The following EFCAB11 variants were observed in gnomAD, a reference collection of about 807,000 sequenced individuals.
The protein encoded by EFCAB11 is EF-hand calcium binding domain 11, also known as EF-hand calcium-binding domain-containing protein 11.
EFCAB11 carries 14 observed loss-of-function variants against 23.0 expected under a neutral mutation model. The ratio of observed to expected loss-of-function variants is 0.61; its 90% CI spans 0.40 to 0.95. The LOEUF (loss-of-function observed/expected upper bound fraction) is 0.95. EFCAB11 is among the 40% of genes least tolerant of loss of function. EFCAB11 has a pLI of 0.00. For synonymous variants in EFCAB11, 65 were observed against 66.6 expected (o/e 0.98, Z 0.11); for missense variants, 198 against 195.8 (o/e 1.01, Z -0.07).
intron 5 of EFCAB11, among the ~76,000 whole-genome samples, chr14:89,875,151 C>A (rs570367420): frequency 6.6e-6 from 1 of 152,238 alleles, no homozygotes; most frequent in African/African-American, 2.4e-5. Flanking sequence ...TCGGGGTTCG[C>A]GTAACTAGTT....
intron 5 of EFCAB11, among the ~76,000 whole-genome samples, chr14:89,865,914 T>G (rs1278369201): frequency 3.3e-5 from 5 of 151,952 alleles, no homozygotes; most frequent in African/African-American, 1.2e-4. Flanking sequence ...GTGATCTGCC[T>G]GTCTCAGCCT....
chr14:89,831,839 A>C (rs1323056597), intron 5 of EFCAB11, among the ~76,000 whole-genome samples: 1 of 152,266 alleles, frequency 6.6e-6, no homozygotes, highest in Admixed American at 6.5e-5. Flanking sequence ...TCTCAAATAC[A>C]AGCACATTTT....
intron 5 of EFCAB11, among the ~76,000 whole-genome samples, chr14:89,885,209 C>G (rs1404778250): frequency 8.5e-5 from 13 of 152,134 alleles, no homozygotes; most frequent in Non-Finnish European, 2.9e-5. Context: ...TCAGAATTAT[C>G]TGATAAAATA....
chr14:89,927,429 T>C (rs1001865933), intron 5 of EFCAB11, among the ~76,000 whole-genome samples: 7 of 152,322 alleles, frequency 4.6e-5, no homozygotes, highest in Non-Finnish European at 1.0e-4. Flanking sequence ...ATCAGCTTTT[T>C]TTCTGGACCT....
chr14:89,926,806 T>C lies in EFCAB11; in HGVS notation c.410+4735A>G, dbSNP rs79633060. On this transcript the variant is annotated intron_variant, in intron 5 of 5. Transcript: ENST00000316738. ...TTTGAACATGAAAGACAGTGGGGAA[T>C]ATAATTCTTATGACCCCTACTTGAG... Among the ~76,000 whole-genome samples, 607 of 152,326 alleles carry C rather than the reference T, an allele frequency of 4.0e-3. 6 individuals carry two copies. The highest frequency in any genetic ancestry group is 0.014 in the African/African-American group (571 of 41,574).
intron 5 of EFCAB11, among the ~76,000 whole-genome samples, chr14:89,914,910 T>TACTG (rs1889788098): frequency 6.6e-6 from 1 of 152,126 alleles, no homozygotes; most frequent in Admixed American, 6.5e-5. Flanking sequence ...AGCAACAGGC[T>TACTG]ACTGCTCCAT....
intron 5 of EFCAB11, among the ~76,000 whole-genome samples, chr14:89,910,384 G>A (rs557646557): frequency 4.6e-5 from 7 of 152,270 alleles, no homozygotes; most frequent in Non-Finnish European, 8.8e-5. Flanking sequence ...GATCACTTAA[G>A]GCCAGGAGTT....
rs375782284 is a variant in EFCAB11 at position 89,794,968 on chromosome 14, C to CTTTTTTTT, written c.*2267_*2274dup. 2 of 67,264 alleles carry CTTTTTTTT rather than the reference C, an allele frequency of 3.0e-5. No individual in the cohort carries two copies. The highest frequency in any genetic ancestry group is 7.6e-4 in the South Asian group (1 of 1,316). 4.2% of individuals were successfully genotyped at this position (67,264 alleles called of 1,614,324 possible). ...TGCTTGATTTGTTTCTACTTAATGT[C>CTTTTTTTT]TTTTTTTTTTTTTTTTTTTTTTTTT... On this transcript the variant is annotated 3_prime_UTR_variant, in exon 6 of 6. Coordinates refer to ENST00000316738, the MANE Select transcript of EFCAB11 (RefSeq NM_145231.4).
Position 89,885,871 on chromosome 14 carries a change from C to T in EFCAB11, c.410+45670G>A, listed in dbSNP as rs915649041. Among the ~76,000 whole-genome samples the T allele has an allele frequency of 7.6e-4, 109 of 143,810 alleles. 2 individuals carry two copies. The highest frequency in any genetic ancestry group is 2.6e-3 in the African/African-American group (105 of 40,382). The allele number at this position is 143,810 out of a possible 152,430, so 94.3% of individuals were successfully genotyped here. On this transcript the variant is annotated intron_variant, in intron 5 of 5. Transcript: ENST00000316738. ...CAACTTTTGGGTTTGAAGTTGGCTT[C>T]TTGTTTTTTTCTTTTTTTTTCTTTG...
intron 5 of EFCAB11, among the ~76,000 whole-genome samples, chr14:89,916,160 AAAAAAAAAG>A (rs1889834065): frequency 6.6e-6 from 1 of 151,892 alleles, no homozygotes; most frequent in Non-Finnish European, 1.5e-5. Flanking sequence ...GGCTCAGAAA[AAAAAAAAAG>A]AAAAAAAGAA....
rs1456162633 is a variant in EFCAB11, at chr14:89,858,669, T to TC, written c.411-61346_411-61345insG. Among the ~76,000 whole-genome samples, 6 of 145,636 alleles carry TC rather than the reference T, an allele frequency of 4.1e-5. No homozygotes were observed. In the East Asian group the frequency reaches 6.0e-4, roughly 15 times the overall value. The stretch of plus-strand genomic sequence containing the variant: ...CACACCCAGCTAATTTTTTTTTTTT[T>TC]TTTTTTTTTTTGTAGAGGCAGGGTC... On this transcript the variant is annotated intron_variant, in intron 5 of 5. Transcript: ENST00000316738.
intron 5 of EFCAB11, among the ~76,000 whole-genome samples, chr14:89,915,076 G>A (rs908409896): frequency 6.6e-6 from 1 of 151,910 alleles, no homozygotes; most frequent in African/African-American, 2.4e-5. Context: ...TATTTTTAAA[G>A]ACCTAAATTC....
At chr14:89,871,621 C>T (rs1234594514) in intron 5 of EFCAB11, among the ~76,000 whole-genome samples, 1 of 152,176 alleles carries the variant, frequency 6.6e-6, no homozygotes, top group Non-Finnish European at 1.5e-5. Context: ...GCACCTTTTC[C>T]TCCCAAATCT....
chr14:89,832,897 T>G (rs1057097165), intron 5 of EFCAB11, among the ~76,000 whole-genome samples: 1 of 152,208 alleles, frequency 6.6e-6, no homozygotes, highest in African/African-American at 2.4e-5. Context: ...ACCATTTGTA[T>G]GAAATTCTGC....
chr14:89,944,147 G>A (rs138625935), intron 3 of EFCAB11, among the ~76,000 whole-genome samples: 1 of 152,342 alleles, frequency 6.6e-6, no homozygotes, highest in African/African-American at 2.4e-5. Flanking sequence ...AAAAGAAAGA[G>A]GTTTAATGGA....
chr14:89,801,006 G>A (rs1270939549), intron 5 of EFCAB11, among the ~76,000 whole-genome samples: 1 of 147,320 alleles, frequency 6.8e-6, no homozygotes, highest in East Asian at 2.0e-4. Flanking sequence ...TCACACTCCA[G>A]CCTGGGTGAC....
chr14:89,908,199 G>C (rs561261487), intron 5 of EFCAB11, among the ~76,000 whole-genome samples: 37 of 152,298 alleles, frequency 2.4e-4, no homozygotes, highest in Middle Eastern at 3.4e-3. Flanking sequence ...CTAGGGTTAA[G>C]TCTAGACACC....
At chr14:89,815,031 G>T (rs1886284725) in intron 5 of EFCAB11, among the ~76,000 whole-genome samples, 1 of 152,226 alleles carries the variant, frequency 6.6e-6, no homozygotes, top group South Asian at 2.1e-4. Context: ...GCTTATGTGG[G>T]AATATGGGAT....
intron 5 of EFCAB11, among the ~76,000 whole-genome samples, chr14:89,823,053 G>A (rs943690572): frequency 6.6e-6 from 1 of 152,160 alleles, no homozygotes; most frequent in African/African-American, 2.4e-5. Flanking sequence ...ATATGAAAGT[G>A]ATGAGCTATA....
Sources: gnomAD v4.1 joint callset for allele counts (sites outside exome capture counted in the v4.1 genomes callset) on GRCh38, gnomAD v4.1.1 for gene constraint, MANE v1.5 for transcripts, NCBI Gene and HGNC (gene_info 2026-07-23, HGNC 2026-07-21) for gene names.